Variants in ZFPM2 observed in about 807,000 individuals in gnomAD.
ZFPM2 encodes zinc finger protein ZFPM2.
ZFPM2 carries 20 observed loss-of-function variants against 98.6 expected under a neutral mutation model. That is an observed-to-expected ratio of 0.20 (90% confidence interval 0.14 to 0.29). ZFPM2 has a LOEUF of 0.29. Ranked by LOEUF, ZFPM2 falls within the 10% of genes least tolerant of loss-of-function variation. The pLI is 1.00. For missense variants in ZFPM2, 1,310 were observed against 1,388.6 expected (o/e 0.94, Z 0.90); for synonymous variants, 518 against 502.7 (o/e 1.03, Z -0.41).
At chr8:105,354,204 T>C (rs1269907075) in intron 1 of ZFPM2, among the ~76,000 whole-genome samples, 1 of 152,214 alleles carries the variant, frequency 6.6e-6, no homozygotes, top group Non-Finnish European at 1.5e-5. Flanking sequence ...TATGCCGTAT[T>C]GTAACAAGAA....
chr8:105,633,233 G>A (rs1315637892), intron 4 of ZFPM2, among the ~76,000 whole-genome samples: 2 of 152,172 alleles, frequency 1.3e-5, no homozygotes, highest in Admixed American at 6.5e-5. Context: ...CCCAGAATGG[G>A]CTGAGATCTC....
chr8:105,387,116 A>C (rs568185151), intron 1 of ZFPM2: 1 of 152,568 alleles, frequency 6.6e-6, no homozygotes, highest in South Asian at 2.1e-4. Flanking sequence ...GGATTGGTGC[A>C]TTCACAAACC....
intron 5 of ZFPM2, among the ~76,000 whole-genome samples, chr8:105,691,225 AAGAG>A (rs930870380): frequency 8.4e-6 from 1 of 118,574 alleles, no homozygotes; most frequent in African/African-American, 3.7e-5. Context: ...CCTGTTCCCA[AAGAG>A]ACTTTTTTTT....
At chr8:105,443,017 C>T (rs531070059) in intron 2 of ZFPM2, among the ~76,000 whole-genome samples, 24 of 151,780 alleles carry the variant, frequency 1.6e-4, no homozygotes, top group Non-Finnish European at 3.4e-4. Context: ...ATTTAAAAAT[C>T]TTGGCATTAT....
intron 1 of ZFPM2, among the ~76,000 whole-genome samples, chr8:105,414,150 CAG>C (rs1211989199): frequency 1.3e-5 from 2 of 151,878 alleles, no homozygotes; most frequent in East Asian, 1.9e-4. Context: ...TCCATAATGA[CAG>C]AGTGTCTTGT....
chr8:105,349,674 G>A (rs1812606130), intron 1 of ZFPM2, among the ~76,000 whole-genome samples: 1 of 152,156 alleles, frequency 6.6e-6, no homozygotes, highest in African/African-American at 2.4e-5. Flanking sequence ...CTCCAGAGAT[G>A]AAGATATGGG....
In ZFPM2 at chr8:105,801,501, G is replaced by A. The variant is rs1586283753; in HGVS notation, c.1419G>A (p.Glu473=). 2 of 1,613,894 alleles carry A rather than the reference G, an allele frequency of 1.2e-6. No homozygotes were observed. Among genetic ancestry groups the A allele is most frequent in the Admixed American group, 1.7e-5 (1 of 60,002 alleles). ...QSFSYTKIKS[E]PSSPRLASSP... ...TTTCTTACACAAAAATAAAGTCTGA[G>A]CCCTCTAGCCCAAGACTTGCCTCAT... is the stretch of plus-strand genomic sequence containing the variant. The change falls in exon 8 of 8, where the codon GAG becomes GAA. Residue 473 remains glutamate, a synonymous_variant. Transcript: ENST00000407775.
chr8:105,548,200 A>C (rs554068689), intron 3 of ZFPM2, among the ~76,000 whole-genome samples: 3 of 152,206 alleles, frequency 2.0e-5, no homozygotes, highest in African/African-American at 7.2e-5. Flanking sequence ...CATGATAAAT[A>C]TACTCACCTC....
chr8:105,400,430 C>T (rs1353135541), intron 1 of ZFPM2, among the ~76,000 whole-genome samples: 3 of 152,008 alleles, frequency 2.0e-5, no homozygotes, highest in African/African-American at 4.8e-5. Context: ...TACCCCACAA[C>T]AGTCCCCAGA....
At chr8:105,664,321 T>TTGTGTG (rs148523592) in intron 5 of ZFPM2, among the ~76,000 whole-genome samples, 4,192 of 144,578 alleles carry the variant, frequency 0.029, 63 homozygotes, top group Admixed American at 0.037. Context: ...CATAAAATTC[T>TTGTGTG]TGTGTGTGTG....
intron 1 of ZFPM2, among the ~76,000 whole-genome samples, chr8:105,355,787 A>T (rs556605041): frequency 1.4e-4 from 22 of 152,228 alleles, no homozygotes; most frequent in Non-Finnish European, 3.2e-4. Flanking sequence ...AAATAAAAAA[A>T]ACTACAGTGT....
intron 1 of ZFPM2, among the ~76,000 whole-genome samples, chr8:105,345,008 A>G (rs1166953582): frequency 7.9e-5 from 12 of 152,228 alleles, no homozygotes; most frequent in Admixed American, 2.0e-4. Context: ...TTGAATTATA[A>G]TCTAATAAAT....
intron 2 of ZFPM2, among the ~76,000 whole-genome samples, chr8:105,431,651 C>G (rs180982031): frequency 2.2e-4 from 34 of 152,206 alleles, no homozygotes; most frequent in Admixed American, 2.0e-3. Flanking sequence ...TGGTGGCTCA[C>G]ACCTGTAATC....
intron 2 of ZFPM2, among the ~76,000 whole-genome samples, chr8:105,433,824 C>G (rs921862465): frequency 3.9e-5 from 6 of 152,118 alleles, no homozygotes; most frequent in Admixed American, 3.9e-4. Context: ...CTCAACATGA[C>G]AGTGTTAGCC....
chr8:105,551,566 G>T (rs945800679), intron 3 of ZFPM2, among the ~76,000 whole-genome samples: 1 of 152,166 alleles, frequency 6.6e-6, no homozygotes, highest in African/African-American at 2.4e-5. Flanking sequence ...TCACAGTGTA[G>T]TATGAGCTCC....
chr8:105,674,432 A>G (rs945694397), intron 5 of ZFPM2, among the ~76,000 whole-genome samples: 2 of 152,244 alleles, frequency 1.3e-5, no homozygotes, highest in Non-Finnish European at 2.9e-5. Flanking sequence ...GCCGTAATCC[A>G]GCCTCCTTTA....
intron 1 of ZFPM2, among the ~76,000 whole-genome samples, chr8:105,324,245 A>G (rs1812077593): frequency 6.6e-6 from 1 of 151,840 alleles, no homozygotes; most frequent in Non-Finnish European, 1.5e-5. Flanking sequence ...TAAGATAGTC[A>G]TTGATTATAT....
At chr8:105,574,897 T>C (rs1425460875) in intron 4 of ZFPM2, among the ~76,000 whole-genome samples, 1 of 150,492 alleles carries the variant, frequency 6.6e-6, no homozygotes, top group Non-Finnish European at 1.5e-5. Flanking sequence ...GCATCTGAGA[T>C]AGGCATCAGG....
intron 5 of ZFPM2, among the ~76,000 whole-genome samples, chr8:105,705,970 G>A (rs932320898): frequency 6.6e-6 from 1 of 152,066 alleles, no homozygotes; most frequent in African/African-American, 2.4e-5. Flanking sequence ...TACTTCACAT[G>A]CAATTTCACT....
Sources: gnomAD v4.1 joint callset for allele counts (sites outside exome capture counted in the v4.1 genomes callset) on GRCh38, gnomAD v4.1.1 for gene constraint, MANE v1.5 for transcripts, NCBI Gene and HGNC (gene_info 2026-07-23, HGNC 2026-07-21) for gene names.